The following MFSD6 variants were observed in gnomAD, a reference collection of about 807,000 sequenced individuals.
The protein encoded by MFSD6 is major facilitator superfamily domain-containing protein 6.
Under a neutral mutation model 56.3 loss-of-function variants are expected in MFSD6, and 26 were observed. The observed-to-expected ratio is 0.46, with a 90% confidence interval of 0.34 to 0.64. The LOEUF (loss-of-function observed/expected upper bound fraction) is 0.64, where lower values mean the gene tolerates loss of function less well. Among genes scored for constraint, MFSD6 ranks in the 30% least tolerant of loss-of-function variants. MFSD6 has a pLI of 0.01. For missense variants in MFSD6, 750 were observed against 986.2 expected (o/e 0.76, Z 3.21); for synonymous variants, 331 against 366.9 (o/e 0.90, Z 1.12).
In MFSD6 at chr2:190,462,716, T is replaced by C. The variant is rs1687391797; in HGVS notation, c.1533-7042T>C. ...GGCTTCTTGGAAGGGATGATTCCTT[T>C]CAACAGTGGGACTCTCAAAATCAGA... On this transcript the variant is annotated intron_variant, in intron 3 of 7. Coordinates refer to ENST00000392328, the MANE Select transcript of MFSD6 (RefSeq NM_017694.4). The surrounding 1 kb of genome is among the most constrained non-coding windows in gnomAD (Gnocchi z 5.7). Among the ~76,000 whole-genome samples the C allele has an allele frequency of 2.0e-5, 3 of 152,130 alleles. No homozygotes were observed. Among genetic ancestry groups the C allele is most frequent in the Non-Finnish European group, 4.4e-5 (3 of 68,010 alleles).
rs190582561 is a variant in MFSD6 at position 190,477,664 on chromosome 2, A to G, written c.1630+7809A>G. Among the ~76,000 whole-genome samples, 26 of 152,360 alleles carry G rather than the reference A, an allele frequency of 1.7e-4. No homozygotes were observed. In the East Asian group the frequency reaches 4.2e-3, roughly 25 times the overall value. On this transcript the variant is annotated intron_variant, in intron 4 of 7. Coordinates refer to ENST00000392328, the MANE Select transcript of MFSD6 (RefSeq NM_017694.4). ...TGCTGGGTGCTGAGAATGTAATAAA[A>G]TATATACATATATTAACTCAGGCCA...
At position 190,434,200 on chromosome 2, in the gene MFSD6, AAAAAG is replaced by A. The variant is rs1413595556; in HGVS notation, c.-53-1769_-53-1765del. ...TGTCTCTCAAAAAAAAAAAAAGAAA[AAAAAG>A]AAAAGAAGGTGAAAGGAATTAACAC... On this transcript the variant is annotated intron_variant, in intron 2 of 7. Transcript: ENST00000392328. The surrounding 1 kb of genome is among the most constrained non-coding windows in gnomAD (Gnocchi z 4.3). Among the ~76,000 whole-genome samples the A allele has an allele frequency of 6.6e-6, 1 of 151,770 alleles. No homozygotes were observed. Among genetic ancestry groups the A allele is most frequent in the Non-Finnish European group, 1.5e-5 (1 of 67,964 alleles).
chr2:190,428,246 C>T (rs1205436621), intron 2 of MFSD6, among the ~76,000 whole-genome samples: 2 of 152,184 alleles, frequency 1.3e-5, no homozygotes, highest in South Asian at 4.1e-4. Context: ...TATGTATCTG[C>T]TGTAGACAGG....
In MFSD6 at chr2:190,500,152, C is replaced by G. The variant is rs970149393; in HGVS notation, c.2310C>G (p.Pro770=). The G allele has an allele frequency of 1.9e-6, 3 of 1,614,062 alleles. No homozygotes were observed. In the African/African-American group the frequency reaches 4.0e-5, roughly 22 times the overall value. ...AGACGCAGACCAGCCCCGCTCACCCCAGTGTGGACCCGTGCACAGAGGAGA... is the reference window on the plus strand; with the variant it reads ...AGACGCAGACCAGCCCCGCTCACCCGAGTGTGGACCCGTGCACAGAGGAGA... ...ASQTQTSPAH[P]SVDPCTEESE... Residue 770 remains proline, a synonymous_variant, in exon 8 of 8, where the codon CCC becomes CCG. Transcript: ENST00000392328. The surrounding 1 kb of genome is among the most constrained non-coding windows in gnomAD (Gnocchi z 5.3).
chr2:190,435,657 C>T (rs1175970229), intron 2 of MFSD6, among the ~76,000 whole-genome samples: 1 of 152,182 alleles, frequency 6.6e-6, no homozygotes, highest in African/African-American at 2.4e-5. Flanking sequence ...ATTTTCAACT[C>T]TCTGTGTTTG....
At chr2:190,441,759 C>T (rs529489734) in intron 3 of MFSD6, among the ~76,000 whole-genome samples, 70 of 152,190 alleles carry the variant, frequency 4.6e-4, no homozygotes, top group Admixed American at 1.6e-3. Context: ...TGAGCTGCTG[C>T]GTCTCACCTA....
rs375934842 is a variant in MFSD6 at position 190,502,019 on chromosome 2, CCTG to C, written c.*1805_*1807del. On this transcript the variant is annotated 3_prime_UTR_variant, in exon 8 of 8. Transcript: ENST00000392328. This position sits in a 1 kb window ranked among gnomAD's most constrained non-coding sequence, Gnocchi z 4.4. ...AGTTCTGATTTATTCCTTTGAAAAG[CCTG>C]CTGTTTTGGAAATGCACAGTTGACA... 6.6e-6 allele frequency: 1 copy of C among 152,518 alleles called. No individual in the cohort carries two copies. Among genetic ancestry groups the C allele is most frequent in the African/African-American group, 2.4e-5 (1 of 41,414 alleles). The allele number at this position is 152,518 out of a possible 1,614,324, so 9.4% of individuals were successfully genotyped here.
chr2:190,450,785 T>G (rs1686751847), intron 3 of MFSD6, among the ~76,000 whole-genome samples: 2 of 152,186 alleles, frequency 1.3e-5, no homozygotes, highest in African/African-American at 4.8e-5. Flanking sequence ...TGAGCCATTG[T>G]GCCCAGCCAC....
rs1687912655 is a variant in MFSD6, at chr2:190,471,322, A to G, written c.1630+1467A>G. On this transcript the variant is annotated intron_variant, in intron 4 of 7. Coordinates refer to ENST00000392328, the MANE Select transcript of MFSD6 (RefSeq NM_017694.4). This position sits in a 1 kb window ranked among gnomAD's most constrained non-coding sequence, Gnocchi z 4.7. ...CCTCACCCAGGAAGCACAAGGGGTC[A>G]GGGAATTCCCTTTCCTAGCCGAGGA... Among the ~76,000 whole-genome samples, 1 of 152,244 alleles carries G rather than the reference A, an allele frequency of 6.6e-6. No homozygotes were observed. Among genetic ancestry groups the G allele is most frequent in the Non-Finnish European group, 1.5e-5 (1 of 68,030 alleles).
intron 4 of MFSD6, among the ~76,000 whole-genome samples, chr2:190,481,830 ATGC>A (rs529640105): frequency 5.3e-5 from 8 of 152,200 alleles, no homozygotes; most frequent in Non-Finnish European, 1.2e-4. Flanking sequence ...CAGAAGATCC[ATGC>A]TGCTGCTGCT....
In MFSD6 at chr2:190,496,616, GTGTATGTATGTATA is replaced by G. The variant is rs934888177; in HGVS notation, c.1892-819_1892-806del. On this transcript the variant is annotated intron_variant, in intron 6 of 7. Transcript: ENST00000392328. This position sits in a 1 kb window ranked among gnomAD's most constrained non-coding sequence, Gnocchi z 4.7. ...TGAGTGGATAAAGAAACTGTAGTGT[GTGTATGTATGTATA>G]TGTGTGTATATATATGTATATGTGT... Among the ~76,000 whole-genome samples the G allele has an allele frequency of 2.1e-4, 32 of 152,016 alleles. No homozygotes were observed. Among genetic ancestry groups the G allele is most frequent in the Admixed American group, 8.5e-4 (13 of 15,276 alleles).
Position 190,458,089 on chromosome 2 carries a change from G to A in MFSD6, c.1533-11669G>A, listed in dbSNP as rs1047987123. On this transcript the variant is annotated intron_variant, in intron 3 of 7. Transcript: ENST00000392328. The surrounding 1 kb of genome is among the most constrained non-coding windows in gnomAD (Gnocchi z 5.3). The stretch of plus-strand genomic sequence containing the variant: ...TCACACACTCTGTTGCTGGTCTAGG[G>A]AGGAAATGGCTCTGGAAAAAAATAC... 2.0e-5 allele frequency among the ~76,000 whole-genome samples: 3 copies of A among 152,152 alleles called. No individual in the cohort carries two copies. Among genetic ancestry groups the A allele is most frequent in the African/African-American group, 7.2e-5 (3 of 41,428 alleles).
intron 3 of MFSD6, among the ~76,000 whole-genome samples, chr2:190,455,553 A>C (rs992719791): frequency 5.3e-5 from 8 of 152,204 alleles, no homozygotes; most frequent in African/African-American, 1.9e-4. Flanking sequence ...TGAACCTTTC[A>C]GGGCCTTGGT....
In MFSD6 at chr2:190,500,180, GA is replaced by G; in HGVS notation, c.2340del (p.Glu781SerfsTer99). ...PSVDPCTEES[E>X]EQQAQLAAGG... ...TGTGGACCCGTGCACAGAGGAGAGT[GA>G]AGAGCAGCAGGCTCAGCTGGCCGCG... On this transcript the variant is annotated frameshift_variant, in exon 8 of 8. Transcript: ENST00000392328. LOFTEE classifies it high-confidence loss of function. This position sits in a 1 kb window ranked among gnomAD's most constrained non-coding sequence, Gnocchi z 5.3. 6.2e-7 allele frequency: 1 copy of G among 1,614,162 alleles called. No individual in the cohort carries two copies. Among genetic ancestry groups the G allele is most frequent in the South Asian group, 1.1e-5 (1 of 91,088 alleles).
intron 3 of MFSD6, chr2:190,445,051 G>A (rs1181370285): frequency 6.1e-6 from 1 of 163,888 alleles, no homozygotes; most frequent in East Asian, 1.9e-4. Context: ...GTAGGCCTTG[G>A]TGTTAAGTGA....
chr2:190,436,367 T>C lies in MFSD6; in HGVS notation c.338T>C (p.Ile113Thr), dbSNP rs866417765. Reference protein sequence around the residue: ...SGLLVGIRYFIEFCSAPFWGV... With the variant: ...SGLLVGIRYFTEFCSAPFWGV... The stretch of plus-strand genomic sequence containing the variant: ...CTACTAGTAGGTATTCGTTACTTCA[T>C]TGAATTCTGCAGTGCCCCCTTTTGG... Residue 113 changes from isoleucine to threonine, a missense_variant, in exon 3 of 8, where the codon ATT (isoleucine) becomes ACT (threonine). Around this residue, in one of 5 missense-constraint regions of MFSD6, gnomAD observed 376 missense variants for 437.9 expected, o/e 0.86. Coordinates refer to ENST00000392328, the MANE Select transcript of MFSD6 (RefSeq NM_017694.4). This position sits in a 1 kb window ranked among gnomAD's most constrained non-coding sequence, Gnocchi z 5.3. The C allele has an allele frequency of 3.7e-6, 6 of 1,614,152 alleles. No homozygotes were observed. The highest frequency in any genetic ancestry group is 2.2e-5 in the East Asian group (1 of 44,908).
intron 1 of MFSD6, among the ~76,000 whole-genome samples, chr2:190,409,495 A>G (rs1007553229): frequency 6.6e-6 from 1 of 152,166 alleles, no homozygotes; most frequent in African/African-American, 2.4e-5. Context: ...GTGCTTGGGC[A>G]TGTCACATCT....
rs2125286794 is a variant in MFSD6, at chr2:190,501,637, A to G, written c.*1419A>G. The G allele has an allele frequency of 6.5e-6, 1 of 152,684 alleles. No homozygotes were observed. Among genetic ancestry groups the G allele is most frequent in the South Asian group, 2.1e-4 (1 of 4,832 alleles). 9.5% of individuals were successfully genotyped at this position (152,684 alleles called of 1,614,324 possible). ...CCTCTGACCCTGATTAGACAGGATCAATTGTAAAGTGAGGGCTTCTCCATG... is the reference window on the plus strand; with the variant it reads ...CCTCTGACCCTGATTAGACAGGATCGATTGTAAAGTGAGGGCTTCTCCATG... On this transcript the variant is annotated 3_prime_UTR_variant, in exon 8 of 8. Coordinates refer to ENST00000392328, the MANE Select transcript of MFSD6 (RefSeq NM_017694.4).
In MFSD6 at chr2:190,447,671, T is replaced by A. The variant is rs1185979516; in HGVS notation, c.1532+10110T>A. Among the ~76,000 whole-genome samples the A allele has an allele frequency of 6.6e-6, 1 of 152,192 alleles. No homozygotes were observed. The highest frequency in any genetic ancestry group is 1.5e-5 in the Non-Finnish European group (1 of 68,040). ...AGCTATTATTTATATGTGGGTAGATTTCTATTTTCCTATTCCTTTCACATT... is the reference window on the plus strand; with the variant it reads ...AGCTATTATTTATATGTGGGTAGATATCTATTTTCCTATTCCTTTCACATT... On this transcript the variant is annotated intron_variant, in intron 3 of 7. Coordinates refer to ENST00000392328, the MANE Select transcript of MFSD6 (RefSeq NM_017694.4). This position sits in a 1 kb window ranked among gnomAD's most constrained non-coding sequence, Gnocchi z 4.5.
Sources: allele counts gnomAD v4.1 joint callset (sites outside exome capture counted in the v4.1 genomes callset), GRCh38; gene constraint gnomAD v4.1.1; regional missense constraint gnomAD v4.1.1; non-coding constraint Gnocchi (gnomAD v3.1); transcripts MANE v1.5; gene names NCBI Gene and HGNC (gene_info 2026-07-23, HGNC 2026-07-21).